CCDC88C: variants seen among roughly 807,000 people sequenced by gnomAD.
CCDC88C encodes the protein protein Daple.
Under a neutral mutation model 198.8 loss-of-function variants are expected in CCDC88C, and 131 were observed. That is an observed-to-expected ratio of 0.66 (90% CI 0.57 to 0.76). The LOEUF is 0.76. CCDC88C is among the 30% of genes least tolerant of loss of function. The probability of loss-of-function intolerance (pLI) is 0.00; values close to 1 mark genes in which losing one functional copy is unlikely to be tolerated. For missense variants in CCDC88C, 2,553 were observed against 2,631.6 expected (o/e 0.97, Z 0.65); for synonymous variants, 1,166 against 1,114.7 (o/e 1.05, Z -0.92).
intron 16 of CCDC88C, among the ~76,000 whole-genome samples, chr14:91,309,161 G>C (rs28687910): frequency 6.6e-6 from 1 of 152,052 alleles, no homozygotes; most frequent in Non-Finnish European, 1.5e-5. Context: ...ACCAGGAGGC[G>C]GAGGTTTTCA....
intron 4 of CCDC88C, among the ~76,000 whole-genome samples, chr14:91,348,415 C>G (rs1046635483): frequency 6.6e-6 from 1 of 151,654 alleles, no homozygotes; most frequent in East Asian, 1.9e-4. Context: ...GAGGGTGAAG[C>G]TGCAGTGAGC....
chr14:91,384,653 T>A, intron 3 of CCDC88C: 1 of 385,072 alleles, frequency 2.6e-6, no homozygotes, highest in Admixed American at 3.0e-5. Context: ...GTGGCCAGCC[T>A]ACCCCAACTG....
chr14:91,353,776 A>AC (rs1465809533), intron 4 of CCDC88C, among the ~76,000 whole-genome samples: 11 of 152,308 alleles, frequency 7.2e-5, no homozygotes, highest in Admixed American at 7.2e-4. Context: ...AAAACATAGG[A>AC]CAGAGGGCCA....
intron 3 of CCDC88C, among the ~76,000 whole-genome samples, chr14:91,397,533 C>T (rs1885925584): frequency 1.3e-5 from 2 of 152,212 alleles, no homozygotes; most frequent in East Asian, 1.9e-4. Flanking sequence ...CCTGGCTGAA[C>T]TCCAACTCTG....
intron 13 of CCDC88C, among the ~76,000 whole-genome samples, chr14:91,317,423 G>A (rs1892148059): frequency 1.3e-5 from 2 of 152,360 alleles, no homozygotes; most frequent in South Asian, 4.1e-4. Flanking sequence ...TTCAGGATGA[G>A]CTGAGCTGGC....
intron 21 of CCDC88C, 135 bp from the exon 22 acceptor site, chr14:91,297,626 GC>G (rs748985667): frequency 3.7e-6 from 3 of 819,618 alleles, no homozygotes; most frequent in Admixed American, 3.3e-5. Context: ...ACCTCTCTGG[GC>G]TTTTTTTTTT....
intron 27 of CCDC88C, 171 bp downstream of exon 27, chr14:91,281,286 G>A: frequency 6.6e-7 from 1 of 1,507,444 alleles, no homozygotes; most frequent in Middle Eastern, 1.7e-4. Flanking sequence ...AGGTATGTAA[G>A]TAGAAGCTAC....
At chr14:91,388,423 C>T (rs1885281779) in intron 3 of CCDC88C, among the ~76,000 whole-genome samples, 2 of 152,182 alleles carry the variant, frequency 1.3e-5, no homozygotes, top group South Asian at 4.1e-4. Flanking sequence ...AGCCTCCAGG[C>T]CTCAGGTGCT....
rs1339769326 is a variant in CCDC88C, at chr14:91,321,268, C to T, written c.1379G>A (p.Cys460Tyr). 1.7e-5 allele frequency: 26 copies of T among 1,572,368 alleles called. No individual in the cohort carries two copies. Among genetic ancestry groups the T allele is most frequent in the Non-Finnish European group, 2.2e-5 (25 of 1,157,938 alleles). The change falls in exon 13 of 30, where the codon TGT (cysteine) becomes TAT (tyrosine). Residue 460 changes from cysteine to tyrosine, a missense_variant. By Grantham distance (194) the Cys-to-Tyr change is radical. Around this residue, in one of 2 missense-constraint regions of CCDC88C, gnomAD observed 1,260 missense variants for 1,412.0 expected, o/e 0.89. Transcript: ENST00000389857. ...CAGCTTCAGGATGCGGCTGGACGCA[C>T]ATTCGTTCAGCTCAAACACAAACGA... ...RKSFVFELNE[C>Y]ASSRILKLEK...
chr14:91,303,632 T>C, intron 20 of CCDC88C, 69 bp downstream of exon 20: 2 of 1,446,610 alleles, frequency 1.4e-6, no homozygotes, highest in East Asian at 2.5e-5. Flanking sequence ...GCCCCACCTT[T>C]CCCCCTGGGC....
At chr14:91,286,812 C>T (rs1890428110) in intron 25 of CCDC88C, among the ~76,000 whole-genome samples, 1 of 152,216 alleles carries the variant, frequency 6.6e-6, no homozygotes. Flanking sequence ...CGGAGTGCGG[C>T]CGACCTGCAT....
At position 91,277,941 on chromosome 14, in the gene CCDC88C, T is replaced by C. The variant is rs1198719166; in HGVS notation, c.5039A>G (p.Asn1680Ser). The C allele has an allele frequency of 6.6e-7, 1 of 1,516,688 alleles. No individual in the cohort carries two copies. Among genetic ancestry groups the C allele is most frequent in the Admixed American group, 2.1e-5 (1 of 48,600 alleles). 94.0% of individuals were successfully genotyped at this position (1,516,688 alleles called of 1,614,324 possible). Residue 1680 changes from asparagine to serine, a missense_variant, in exon 29 of 30, where the codon AAC becomes AGC. Asn to Ser is a conservative substitution (Grantham distance 46). This residue lies in a region of CCDC88C where 1,293 missense variants were observed against 1,219.6 expected (regional missense o/e 1.06). Coordinates refer to ENST00000389857, the MANE Select transcript of CCDC88C (RefSeq NM_001080414.4). ...VTLEEFLEES[N>S]RSSPTHDTPS... ...ACTCACATGGGTGGGGGAGCTGCGGTTGCTCTCCTCCAGGAACTCCTCCAA... is the reference window on the plus strand; with the variant it reads ...ACTCACATGGGTGGGGGAGCTGCGGCTGCTCTCCTCCAGGAACTCCTCCAA...
intron 3 of CCDC88C, chr14:91,384,297 A>C: frequency 3.0e-6 from 1 of 330,788 alleles, no homozygotes; most frequent in South Asian, 2.5e-5. Context: ...TTTGTATTTG[A>C]AATTTTTATT....
Position 91,290,999 on chromosome 14 carries a change from T to C in CCDC88C, c.4198A>G (p.Lys1400Glu), listed in dbSNP as rs200133047. Residue 1400 changes from lysine (K) to glutamate (E), a missense_variant, in exon 24 of 30, where the codon AAG becomes GAG. Around this residue, in one of 2 missense-constraint regions of CCDC88C, gnomAD observed 1,293 missense variants for 1,219.6 expected, o/e 1.06. Coordinates refer to ENST00000389857, the MANE Select transcript of CCDC88C (RefSeq NM_001080414.4). ...ACTACACTTAAATCAACTCACTTCT[T>C]TGGAGGAGGATCATAGAACTTGTAT... ...DQYKFYDPPP[K>E]KKNHWIGAKA... The C allele has an allele frequency of 1.3e-6, 2 of 1,569,814 alleles. No homozygotes were observed. Among genetic ancestry groups the C allele is most frequent in the Admixed American group, 1.8e-5 (1 of 56,838 alleles).
chr14:91,336,071 T>C (rs1454379710), intron 10 of CCDC88C, among the ~76,000 whole-genome samples: 1 of 152,338 alleles, frequency 6.6e-6, no homozygotes, highest in South Asian at 2.1e-4. Context: ...ATTAATAAAG[T>C]GAATACGAAA....
chr14:91,295,362 T>C (rs1306281898), intron 22 of CCDC88C, among the ~76,000 whole-genome samples: 1 of 152,198 alleles, frequency 6.6e-6, no homozygotes, highest in Non-Finnish European at 1.5e-5. Flanking sequence ...AATACCATAA[T>C]AAAGCATTAG....
intron 3 of CCDC88C, among the ~76,000 whole-genome samples, chr14:91,385,638 C>G (rs1329141615): frequency 6.6e-6 from 1 of 152,058 alleles, no homozygotes; most frequent in African/African-American, 2.4e-5. Flanking sequence ...CAGGGTGTGC[C>G]GAACAGGGGG....
intron 6 of CCDC88C, among the ~76,000 whole-genome samples, chr14:91,340,426 T>A (rs951919576): frequency 8.5e-5 from 13 of 152,194 alleles, no homozygotes; most frequent in Admixed American, 2.6e-4. Flanking sequence ...AGCAAAAATA[T>A]TAATCTTATG....
rs181424182 is a variant in CCDC88C, at chr14:91,393,577, C to T, written c.270+15082G>A. ...GCCCAGAGTTCTCAGAAACCACCAA[C>T]GCTTCCTTCTTCTGGCATCTAAGCT... is the stretch of plus-strand genomic sequence containing the variant. On this transcript the variant is annotated intron_variant, in intron 3 of 29. Coordinates refer to ENST00000389857, the MANE Select transcript of CCDC88C (RefSeq NM_001080414.4). Among the ~76,000 whole-genome samples, 915 of 152,328 alleles carry T rather than the reference C, an allele frequency of 6.0e-3. 3 individuals are homozygous for T. The highest frequency in any genetic ancestry group is 9.4e-3 in the Non-Finnish European group (641 of 68,024).
Sources: allele counts gnomAD v4.1 joint callset (sites outside exome capture counted in the v4.1 genomes callset), GRCh38; gene constraint gnomAD v4.1.1; regional missense constraint gnomAD v4.1.1; transcripts MANE v1.5; gene names NCBI Gene and HGNC (gene_info 2026-07-23, HGNC 2026-07-21).